PIK3C2G: variants seen among roughly 807,000 people sequenced by gnomAD.
PIK3C2G encodes the protein phosphatidylinositol-4-phosphate 3-kinase catalytic subunit type 2 gamma, also known as phosphatidylinositol 3-kinase C2 domain-containing subunit gamma.
A neutral mutation model predicts 181.1 loss-of-function variants in PIK3C2G; 168 were observed. That is an observed-to-expected ratio of 0.93 (90% CI 0.82 to 1.05). The LOEUF (loss-of-function observed/expected upper bound fraction) is 1.05, where lower values mean the gene tolerates loss of function less well. Among genes scored for constraint, PIK3C2G ranks in the 50% least tolerant of loss-of-function variants. PIK3C2G has a pLI of 0.00. For synonymous variants in PIK3C2G, 573 were observed against 592.2 expected (o/e 0.97, Z 0.47); for missense variants, 1,869 against 1,732.8 (o/e 1.08, Z -1.40).
chr12:18,334,180 T>C (rs567256563), intron 8 of PIK3C2G, among the ~76,000 whole-genome samples: 1 of 152,182 alleles, frequency 6.6e-6, no homozygotes, highest in African/African-American at 2.4e-5. Flanking sequence ...TCTAAACTCC[T>C]ATGCAATGCA....
chr12:18,560,463 A>C (rs1282858723), intron 26 of PIK3C2G, among the ~76,000 whole-genome samples: 1 of 152,204 alleles, frequency 6.6e-6, no homozygotes, highest in East Asian at 1.9e-4. Flanking sequence ...TCAGAAAGGA[A>C]GTGACTGAAC....
At chr12:18,469,915 CTTTT>C (rs34001401) in intron 18 of PIK3C2G, among the ~76,000 whole-genome samples, 1 of 141,840 alleles carries the variant, frequency 7.1e-6, no homozygotes. Context: ...ACCTGCTACT[CTTTT>C]TTTTTTTTTT....
rs572213392 is a variant in PIK3C2G, at chr12:18,368,538, C to A, written c.1749-2642C>A. On this transcript the variant is annotated intron_variant, in intron 12 of 32. Coordinates refer to ENST00000538779, the MANE Select transcript of PIK3C2G (RefSeq NM_001288772.2). ...TTATCATTAACTCAATAACATCATA[C>A]CCTAAACTATACTAATTATTCCCAT... Among the ~76,000 whole-genome samples, 7 of 152,256 alleles carry A rather than the reference C, an allele frequency of 4.6e-5. No homozygotes were observed. In the South Asian group the frequency reaches 1.4e-3, roughly 32 times the overall value.
At chr12:18,345,945 T>C (rs1272048766) in intron 10 of PIK3C2G, among the ~76,000 whole-genome samples, 1 of 152,208 alleles carries the variant, frequency 6.6e-6, no homozygotes, top group Non-Finnish European at 1.5e-5. Context: ...CAATTTCTAC[T>C]TAGCTGCCAG....
At chr12:18,556,372 A>C (rs1945013628) in intron 26 of PIK3C2G, among the ~76,000 whole-genome samples, 1 of 152,134 alleles carries the variant, frequency 6.6e-6, no homozygotes, top group Non-Finnish European at 1.5e-5. Flanking sequence ...GAGAGATAGG[A>C]GATGGATTTG....
chr12:18,697,494 T>G, the PIK3C2G span, among the ~76,000 whole-genome samples: 3 of 152,278 alleles, frequency 2.0e-5, no homozygotes, highest in South Asian at 6.2e-4. Context: ...GAATGATGAC[T>G]AAGGTCTCAT....
chr12:18,471,868 C>T lies in PIK3C2G; in HGVS notation c.2505-16581C>T, dbSNP rs137914181. Among the ~76,000 whole-genome samples, 1,171 of 152,028 alleles carry T rather than the reference C, an allele frequency of 7.7e-3. 23 individuals carry two copies. The highest frequency in any genetic ancestry group is 0.026 in the African/African-American group (1,071 of 41,474). On this transcript the variant is annotated intron_variant, in intron 18 of 32. Coordinates refer to ENST00000538779, the MANE Select transcript of PIK3C2G (RefSeq NM_001288772.2). ...TCTCATAATGCTTAGTAACATGTTA[C>T]CCATAGTCAATAATCAATATTTATT...
At chr12:18,532,807 G>T (rs890289552) in intron 24 of PIK3C2G, among the ~76,000 whole-genome samples, 1 of 151,920 alleles carries the variant, frequency 6.6e-6, no homozygotes, top group African/African-American at 2.4e-5. Flanking sequence ...CTTGGCTGGT[G>T]TAGGGGAGAA....
In PIK3C2G at chr12:18,583,822, T is replaced by G. The variant is rs549203041; in HGVS notation, c.4012-10672T>G. On this transcript the variant is annotated intron_variant, in intron 29 of 32. Coordinates refer to ENST00000538779, the MANE Select transcript of PIK3C2G (RefSeq NM_001288772.2). ...GCAACTCAAATGGCCAGTTATGTCC[T>G]CCAAATGACTGCACTAGTTCTCCAA... is the stretch of plus-strand genomic sequence containing the variant. Among the ~76,000 whole-genome samples, 5 of 151,894 alleles carry G rather than the reference T, an allele frequency of 3.3e-5. No homozygotes were observed. In the South Asian group the frequency reaches 1.0e-3, roughly 32 times the overall value.
chr12:18,283,124 C>T (rs1188848583), intron 2 of PIK3C2G, among the ~76,000 whole-genome samples: 1 of 151,998 alleles, frequency 6.6e-6, no homozygotes, highest in Non-Finnish European at 1.5e-5. Context: ...AAATACGTTT[C>T]ATTACATTAT....
At chr12:18,592,245 A>G in intron 29 of PIK3C2G, among the ~76,000 whole-genome samples, 1 of 151,880 alleles carries the variant, frequency 6.6e-6, no homozygotes, top group Middle Eastern at 3.2e-3. Flanking sequence ...CATTAGAGTA[A>G]TAAGAGAGAT....
At chr12:18,443,640 A>C (rs1283774965) in intron 18 of PIK3C2G, among the ~76,000 whole-genome samples, 2 of 152,230 alleles carry the variant, frequency 1.3e-5, no homozygotes, top group Non-Finnish European at 2.9e-5. Flanking sequence ...AAAAACAAAG[A>C]GAACAACTGA....
rs146089095 is a variant in PIK3C2G, at chr12:18,406,709, G to T, written c.2315+6862G>T. On this transcript the variant is annotated intron_variant, in intron 16 of 32. Coordinates refer to ENST00000538779, the MANE Select transcript of PIK3C2G (RefSeq NM_001288772.2). ...TAACAGCCAACAGCCTGGAACACAA[G>T]TGCAAGCAAGCATTTTATCCAGGGA... Among the ~76,000 whole-genome samples, 44 of 152,264 alleles carry T rather than the reference G, an allele frequency of 2.9e-4. No individual in the cohort carries two copies. The South Asian group carries it at 3.1e-3, about 11-fold the overall frequency.
intron 13 of PIK3C2G, among the ~76,000 whole-genome samples, chr12:18,373,859 A>C (rs368721602): frequency 2.6e-5 from 4 of 152,120 alleles, no homozygotes; most frequent in African/African-American, 9.7e-5. Flanking sequence ...TCTAAAAAAA[A>C]AAAAAATGCT....
At position 18,552,265 on chromosome 12, in the gene PIK3C2G, G is replaced by A. The variant is rs59391724; in HGVS notation, c.3590+5833G>A. 3.3e-3 allele frequency among the ~76,000 whole-genome samples: 500 copies of A among 152,242 alleles called. 4 individuals carry two copies. The highest frequency in any genetic ancestry group is 0.011 in the African/African-American group (471 of 41,554). ...ATTCCTCATTTATTTCTCACGGCTA[G>A]GGTGTGAGACAAGACTCTTTATGCT... On this transcript the variant is annotated intron_variant, in intron 26 of 32. Coordinates refer to ENST00000538779, the MANE Select transcript of PIK3C2G (RefSeq NM_001288772.2).
chr12:18,633,953 T>A lies in PIK3C2G; in HGVS notation c.4183-6476T>A, dbSNP rs906062366. ...TGGGCATAATAGTGTGTGGTGCCAT[T>A]CCCATTTCCACCCCTTTATTCCTGT... On this transcript the variant is annotated intron_variant, in intron 31 of 32. Coordinates refer to ENST00000538779, the MANE Select transcript of PIK3C2G (RefSeq NM_001288772.2). Among the ~76,000 whole-genome samples the A allele has an allele frequency of 3.3e-5, 5 of 152,266 alleles. No individual in the cohort carries two copies. In the East Asian group the frequency reaches 9.6e-4, roughly 29 times the overall value.
the PIK3C2G span, among the ~76,000 whole-genome samples, chr12:18,708,232 G>C: frequency 6.6e-6 from 1 of 151,982 alleles, no homozygotes; most frequent in Non-Finnish European, 1.5e-5. Flanking sequence ...GTACATTTGA[G>C]AGTTTTTTTT....
rs1941750030 is a variant in PIK3C2G at position 18,505,322 on chromosome 12, G to T, written c.3184G>T (p.Gly1062Cys). 1.9e-6 allele frequency: 3 copies of T among 1,610,368 alleles called. No individual in the cohort carries two copies. Among genetic ancestry groups the T allele is most frequent in the Admixed American group, 1.7e-5 (1 of 59,646 alleles). Reference protein sequence around the residue: ...ALRNFFYSCAGWCVVTFILGV... With the variant: ...ALRNFFYSCACWCVVTFILGV... Reference sequence around the variant, plus strand: ...GAGGAACTTTTTCTACTCCTGTGCTGGCTGGTGTGTGGTAACATTCATCCT... The same window carrying T: ...GAGGAACTTTTTCTACTCCTGTGCTTGCTGGTGTGTGGTAACATTCATCCT... The change falls in exon 24 of 33, where the codon GGC becomes TGC. Residue 1062 changes from glycine to cysteine, a missense_variant. By Grantham distance (159) the Gly-to-Cys change is radical. Coordinates refer to ENST00000538779, the MANE Select transcript of PIK3C2G (RefSeq NM_001288772.2).
chr12:18,545,605 C>T (rs1944382213), intron 25 of PIK3C2G, among the ~76,000 whole-genome samples: 1 of 151,652 alleles, frequency 6.6e-6, no homozygotes, highest in Non-Finnish European at 1.5e-5. Flanking sequence ...TCAGTCTACA[C>T]TGTAATATAA....
Sources: allele counts gnomAD v4.1 joint callset (sites outside exome capture counted in the v4.1 genomes callset), GRCh38; gene constraint gnomAD v4.1.1; transcripts MANE v1.5; gene names NCBI Gene and HGNC (gene_info 2026-07-23, HGNC 2026-07-21).